MTCL1: variants seen among roughly 807,000 people sequenced by gnomAD.
MTCL1 encodes the protein microtubule crosslinking factor 1, also known as microtubule cross-linking factor 1.
MTCL1 carries 79 observed loss-of-function variants against 141.4 expected under a neutral mutation model. The observed-to-expected ratio is 0.56, with a 90% CI of 0.47 to 0.67. MTCL1 has a LOEUF of 0.67. Ranked by LOEUF, MTCL1 falls within the 30% of genes least tolerant of loss-of-function variation. The pLI, the probability that MTCL1 is intolerant of heterozygous loss-of-function variation, is 0.00. For synonymous variants in MTCL1, 914 were observed against 875.8 expected, an observed-to-expected ratio of 1.04 and a Z score of -0.77; for missense variants, 2,177 against 2,113.9, an observed-to-expected ratio of 1.03 and a Z score of -0.59.
At chr18:8,775,117 C>T (rs565290470) in intron 4 of MTCL1, among the ~76,000 whole-genome samples, 3 of 152,242 alleles carry the variant, frequency 2.0e-5, no homozygotes, top group African/African-American at 7.2e-5. Context: ...TCTTTCAGTG[C>T]GTACATTGGG....
chr18:8,758,731 T>G (rs1464601889), intron 4 of MTCL1, among the ~76,000 whole-genome samples: 1 of 152,174 alleles, frequency 6.6e-6, no homozygotes, highest in African/African-American at 2.4e-5. Context: ...CCCCGGGGAC[T>G]TCAGTAATTG....
chr18:8,720,813 C>G (rs2096166249), intron 4 of MTCL1, among the ~76,000 whole-genome samples: 1 of 150,726 alleles, frequency 6.6e-6, no homozygotes, highest in Non-Finnish European at 1.5e-5. Context: ...TGGTCTAAAG[C>G]TAGTTTTTGT....
intron 4 of MTCL1, among the ~76,000 whole-genome samples, chr18:8,737,422 A>G (rs927975929): frequency 6.6e-6 from 1 of 152,220 alleles, no homozygotes; most frequent in Admixed American, 6.5e-5. Context: ...GCTGGTTCCA[A>G]CAGCTTCTTA....
At chr18:8,800,731 A>G (rs957503870) in intron 10 of MTCL1, 1 of 152,244 alleles carries the variant, frequency 6.6e-6, no homozygotes, top group African/African-American at 2.4e-5. Flanking sequence ...CTGTTTATGC[A>G]TTTCATGCTG....
At chr18:8,742,462 CCTT>C (rs1206554943) in intron 4 of MTCL1, among the ~76,000 whole-genome samples, 6 of 152,158 alleles carry the variant, frequency 3.9e-5, no homozygotes, top group East Asian at 1.9e-4. Flanking sequence ...GGAGGCAAGT[CCTT>C]CTTCACATGG....
chr18:8,803,055 A>G (rs1031953971), intron 10 of MTCL1, among the ~76,000 whole-genome samples: 2 of 152,114 alleles, frequency 1.3e-5, no homozygotes, highest in African/African-American at 2.4e-5. Context: ...AGAGCAGTTA[A>G]CTTTTAGGTA....
At chr18:8,812,884 A>G (rs890941271) in intron 11 of MTCL1, 95 bp from the exon 11 acceptor site, 13 of 1,484,934 alleles carry the variant, frequency 8.8e-6, no homozygotes, top group African/African-American at 1.4e-5. Flanking sequence ...TGGTTTAAAC[A>G]TGTTTCCAGG....
intron 1 of MTCL1, among the ~76,000 whole-genome samples, chr18:8,717,586 G>C (rs2096137187): frequency 6.6e-6 from 1 of 152,224 alleles, no homozygotes; most frequent in Admixed American, 6.5e-5. Context: ...CAGACTGTAG[G>C]AGGATTAGAG....
chr18:8,827,396 C>T (rs2077059947), intron 15 of MTCL1, among the ~76,000 whole-genome samples: 1 of 152,240 alleles, frequency 6.6e-6, no homozygotes, highest in Non-Finnish European at 1.5e-5. Flanking sequence ...ATAGGTCAGA[C>T]CTGTGGAACT....
At chr18:8,783,502 C>T in intron 5 of MTCL1, 28 bp from the exon 5 acceptor site, 2 of 1,543,806 alleles carry the variant, frequency 1.3e-6, no homozygotes, top group Non-Finnish European at 1.8e-6. Context: ...TCAAATAACC[C>T]TTCTCCCGGG....
intron 4 of MTCL1, among the ~76,000 whole-genome samples, chr18:8,734,769 C>A (rs571273831): frequency 1.3e-5 from 2 of 152,168 alleles, no homozygotes; most frequent in African/African-American, 4.8e-5. Flanking sequence ...AGCATCCCTG[C>A]GGAGCTTTTA....
intron 4 of MTCL1, among the ~76,000 whole-genome samples, chr18:8,769,286 A>G (rs561362323): frequency 3.9e-5 from 6 of 152,304 alleles, no homozygotes; most frequent in Admixed American, 2.6e-4. Flanking sequence ...GGATGTGCAC[A>G]GAGTTGGGAT....
At chr18:8,718,773 G>C in intron 3 of MTCL1, 125 bp downstream of exon 2, 1 of 855,048 alleles carries the variant, frequency 1.2e-6, no homozygotes, top group East Asian at 2.6e-5. Flanking sequence ...AAACAGTCTT[G>C]GTTTGCTTTA....
chr18:8,796,822 G>C (rs2075940912), intron 9 of MTCL1, among the ~76,000 whole-genome samples: 1 of 152,228 alleles, frequency 6.6e-6, no homozygotes, highest in African/African-American at 2.4e-5. Flanking sequence ...TGATGTTCAT[G>C]AGTGAGGGAC....
At chr18:8,811,482 A>AAAT (rs1447650946) in intron 11 of MTCL1, among the ~76,000 whole-genome samples, 2 of 152,188 alleles carry the variant, frequency 1.3e-5, no homozygotes, top group Non-Finnish European at 2.9e-5. Context: ...ACATCTTTCT[A>AAAT]AATAGAATAA....
intron 7 of MTCL1, among the ~76,000 whole-genome samples, chr18:8,789,943 G>A (rs2075662189): frequency 6.6e-6 from 1 of 152,148 alleles, no homozygotes; most frequent in Non-Finnish European, 1.5e-5. Context: ...GAGTGACGTT[G>A]GCATCCCAGC....
rs925838356 is a variant in MTCL1, at chr18:8,810,331, C to A, written c.2605-2648C>A. ...CATGGGGACGCCTGTCCAGTGAGAC[C>A]TGACAGTGCAGGGCCACTGATGACA... On this transcript the variant is annotated intron_variant, in intron 11 of 16. Transcript: ENST00000359865. This position sits in a 1 kb window ranked among gnomAD's most constrained non-coding sequence, Gnocchi z 5.0. The A allele has an allele frequency of 6.6e-6, 1 of 152,426 alleles. No individual in the cohort carries two copies. The highest frequency in any genetic ancestry group is 1.9e-4 in the East Asian group (1 of 5,202). 9.4% of individuals were successfully genotyped at this position (152,426 alleles called of 1,614,324 possible).
chr18:8,820,688 G>T (rs1313755278), intron 13 of MTCL1, among the ~76,000 whole-genome samples: 3 of 152,166 alleles, frequency 2.0e-5, no homozygotes, highest in African/African-American at 7.2e-5. Flanking sequence ...ACGTGGGGTG[G>T]GGTCAGGAGC....
chr18:8,798,880 C>T (rs1450045478), intron 10 of MTCL1, among the ~76,000 whole-genome samples: 2 of 152,232 alleles, frequency 1.3e-5, no homozygotes, highest in Non-Finnish European at 2.9e-5. Flanking sequence ...AAACTGCTTG[C>T]ATTTTTATAC....
Sources: allele counts gnomAD v4.1 joint callset (sites outside exome capture counted in the v4.1 genomes callset), GRCh38; gene constraint gnomAD v4.1.1; non-coding constraint Gnocchi (gnomAD v3.1); transcripts MANE v1.5; gene names NCBI Gene and HGNC (gene_info 2026-07-23, HGNC 2026-07-21).